C3orf18: variants seen among roughly 807,000 people sequenced by gnomAD.
C3orf18 encodes chromosome 3 open reading frame 18.
A neutral mutation model predicts 14.1 loss-of-function variants in C3orf18; 12 were observed. The observed-to-expected ratio is 0.85, with a 90% confidence interval of 0.55 to 1.38. The LOEUF is 1.38. Among genes scored for constraint, C3orf18 ranks in the 40% most tolerant of loss-of-function variants. C3orf18 has a pLI of 0.00. For synonymous variants in C3orf18, 82 were observed against 87.9 expected (o/e 0.93, Z 0.38); for missense variants, 196 against 213.9 (o/e 0.92, Z 0.52).
chr3:50,571,582 C>T (rs1700964708), upstream of C3orf18: 4 of 912,636 alleles, frequency 4.4e-6, no homozygotes, highest in East Asian at 7.2e-5. Context: ...ATGCTGCCCC[C>T]TCTGGGCCCA....
At chr3:50,568,674 G>C (rs1408703927), upstream of C3orf18, among the ~76,000 whole-genome samples, 1 of 135,624 alleles carries the variant, frequency 7.4e-6, no homozygotes, top group African/African-American at 2.9e-5. Flanking sequence ...GCAGTGAGCA[G>C]AGATCGCGCC....
upstream of C3orf18, chr3:50,567,787 T>C (rs1329705983): frequency 6.6e-6 from 1 of 152,382 alleles, no homozygotes; most frequent in Non-Finnish European, 1.5e-5. Context: ...CGGCCTCCGA[T>C]TGGCTGTCGG....
intron 1 of C3orf18, among the ~76,000 whole-genome samples, chr3:50,566,753 G>T (rs968783740): frequency 6.6e-6 from 1 of 152,170 alleles, no homozygotes; most frequent in Admixed American, 6.5e-5. Flanking sequence ...TAGGGTCAAG[G>T]AGAAAGGCGA....
intron 5 of C3orf18, among the ~76,000 whole-genome samples, chr3:50,560,095 G>C (rs1201784538): frequency 1.3e-5 from 2 of 152,240 alleles, no homozygotes; most frequent in African/African-American, 4.8e-5. Context: ...CCCAGTGGCT[G>C]GGTGGACCAA....
upstream of C3orf18, chr3:50,572,085 C>T (rs1014050287): frequency 1.9e-6 from 3 of 1,612,316 alleles, no homozygotes; most frequent in Non-Finnish European, 2.5e-6. Context: ...AGCTCTGTCC[C>T]TGATGACCAC....
intron 3 of C3orf18, chr3:50,562,043 G>A (rs981837498): frequency 1.7e-6 from 1 of 578,366 alleles, no homozygotes; most frequent in Admixed American, 3.1e-5. Flanking sequence ...AGGATTACAG[G>A]TGTGCACCAC....
At chr3:50,570,421 C>A (rs975289020), upstream of C3orf18, 2 of 152,204 alleles carry the variant, frequency 1.3e-5, no homozygotes, top group African/African-American at 4.8e-5. Context: ...CATGACAGTA[C>A]ACACACAATG....
chr3:50,563,794 G>T (rs995410111), intron 3 of C3orf18, among the ~76,000 whole-genome samples: 2 of 152,204 alleles, frequency 1.3e-5, no homozygotes, highest in African/African-American at 4.8e-5. Context: ...ATCCACCCAG[G>T]CCTTCTGAAT....
At position 50,559,193 on chromosome 3, in the gene C3orf18, C is replaced by T. The variant is rs888587316; in HGVS notation, c.*464G>A. ...TAACAGATGCTGCCCTACCCTGTCC[C>T]TATAACTTGGGTGGTTTCCTCTCCC... On this transcript the variant is annotated 3_prime_UTR_variant, in exon 6 of 6. Transcript: ENST00000357203. 2 of 1,290,008 alleles carry T rather than the reference C, an allele frequency of 1.6e-6. No homozygotes were observed. The highest frequency in any genetic ancestry group is 1.0e-6 in the Non-Finnish European group (1 of 989,182). 79.9% of individuals were successfully genotyped at this position (1,290,008 alleles called of 1,614,324 possible).
At position 50,565,343 on chromosome 3, in the gene C3orf18, C is replaced by G; in HGVS notation, c.234+123G>C. On this transcript the variant is annotated intron_variant, in intron 3 of 5. Transcript: ENST00000357203. The surrounding 1 kb of genome is among the most constrained non-coding windows in gnomAD (Gnocchi z 4.4). Reference sequence around the variant, plus strand: ...GATCAAGCCATTGCACTCCAGCCTGCATGACAGAGCAAGACTCTGTCTCAA... The same window carrying G: ...GATCAAGCCATTGCACTCCAGCCTGGATGACAGAGCAAGACTCTGTCTCAA... The G allele has an allele frequency of 1.3e-6, 1 of 768,638 alleles. No individual in the cohort carries two copies. The highest frequency in any genetic ancestry group is 2.1e-6 in the Non-Finnish European group (1 of 466,846). The allele number at this position is 768,638 out of a possible 1,614,324, so 47.6% of individuals were successfully genotyped here.
intron 3 of C3orf18, chr3:50,562,580 A>T: frequency 2.2e-6 from 1 of 455,860 alleles, no homozygotes; most frequent in Non-Finnish European, 4.4e-6. Flanking sequence ...ACATACTGAC[A>T]CCCCGTCTCT....
upstream of C3orf18, chr3:50,571,940 G>A (rs565600524): frequency 3.5e-4 from 447 of 1,281,964 alleles, no homozygotes; most frequent in Non-Finnish European, 4.6e-4. Context: ...CAAGAGTGGG[G>A]CCGGGGTACT....
upstream of C3orf18, chr3:50,567,805 G>A (rs1362605980): frequency 6.6e-6 from 1 of 152,436 alleles, no homozygotes; most frequent in East Asian, 1.9e-4. Flanking sequence ...CGGGCCTAGA[G>A]CCCGCCCAGA....
At chr3:50,559,871 C>A in intron 5 of C3orf18, 134 bp from the exon 6 acceptor site, 1 of 544,216 alleles carries the variant, frequency 1.8e-6, no homozygotes, top group South Asian at 3.1e-5. Flanking sequence ...GGAATGCCCT[C>A]CCTGCAAGCT....
At chr3:50,564,443 C>T (rs1317542353) in intron 3 of C3orf18, among the ~76,000 whole-genome samples, 2 of 152,176 alleles carry the variant, frequency 1.3e-5, no homozygotes, top group Non-Finnish European at 2.9e-5. Context: ...TGGCTGCCAC[C>T]TCCACCCCTT....
upstream of C3orf18, chr3:50,571,929 G>A (rs1484349270): frequency 2.5e-6 from 3 of 1,181,462 alleles, no homozygotes; most frequent in East Asian, 8.4e-5. Context: ...TGCAGGAGTG[G>A]CAAGAGTGGG....
chr3:50,565,281 C>A lies in C3orf18; in HGVS notation c.234+185G>T. 1 of 584,182 alleles carries A rather than the reference C, an allele frequency of 1.7e-6. No homozygotes were observed. Among genetic ancestry groups the A allele is most frequent in the Non-Finnish European group, 3.0e-6 (1 of 328,216 alleles). 36.2% of individuals were successfully genotyped at this position (584,182 alleles called of 1,614,324 possible). On this transcript the variant is annotated intron_variant, in intron 3 of 5. Transcript: ENST00000357203. This position sits in a 1 kb window ranked among gnomAD's most constrained non-coding sequence, Gnocchi z 4.4. ...ACTTGGGAGGCTGAGGCAGGAGACT[C>A]GATTAAGCCCCAGAGGTGGAGGTTG...
At chr3:50,571,270 G>A (rs1700921311), upstream of C3orf18, 3 of 1,612,840 alleles carry the variant, frequency 1.9e-6, no homozygotes, top group Non-Finnish European at 8.5e-7. Flanking sequence ...TGAGAAGAGG[G>A]GTATCCCTGA....
upstream of C3orf18, chr3:50,572,021 T>C: frequency 6.3e-7 from 1 of 1,575,790 alleles, no homozygotes. Flanking sequence ...TGGTCTTGCC[T>C]GATACCTTTG....
Sources: allele counts gnomAD v4.1 joint callset (sites outside exome capture counted in the v4.1 genomes callset), GRCh38; gene constraint gnomAD v4.1.1; non-coding constraint Gnocchi (gnomAD v3.1); transcripts MANE v1.5; gene names NCBI Gene and HGNC (gene_info 2026-07-23, HGNC 2026-07-21).